Variants in NAALADL2 observed in about 807,000 individuals in gnomAD.
The protein encoded by NAALADL2 is N-acetylated alpha-linked acidic dipeptidase like 2.
Under a neutral mutation model 87.2 loss-of-function variants are expected in NAALADL2, and 76 were observed. The ratio of observed to expected loss-of-function variants is 0.87; its 90% CI spans 0.72 to 1.05. The LOEUF is 1.05. Ranked by LOEUF, NAALADL2 falls within the 50% of genes least tolerant of loss-of-function variation. NAALADL2 has a pLI of 0.00. For synonymous variants in NAALADL2, 354 were observed against 331.0 expected (o/e 1.07, Z -0.75); for missense variants, 1,089 against 945.8 (o/e 1.15, Z -1.99).
chr3:175,763,515 G>C (rs1748308446), intron 13 of NAALADL2, among the ~76,000 whole-genome samples: 1 of 152,078 alleles, frequency 6.6e-6, no homozygotes, highest in African/African-American at 2.4e-5. Context: ...TAAAATGAGA[G>C]AGCAATAATT....
intron 1 of NAALADL2, among the ~76,000 whole-genome samples, chr3:174,953,343 C>A (rs1184964814): frequency 1.1e-5 from 1 of 90,766 alleles, no homozygotes; most frequent in Non-Finnish European, 2.3e-5. Flanking sequence ...CCCCTCCCCT[C>A]CCCTCCTCTT....
intron 3 of NAALADL2, among the ~76,000 whole-genome samples, chr3:174,761,788 T>G: frequency 8.5e-6 from 1 of 117,022 alleles, no homozygotes; most frequent in Non-Finnish European, 1.6e-5. Flanking sequence ...GTCCCTGGAG[T>G]GTGATGTTCT....
intron 9 of NAALADL2, among the ~76,000 whole-genome samples, chr3:175,474,232 T>C (rs1385754304): frequency 6.6e-6 from 1 of 152,166 alleles, no homozygotes; most frequent in Non-Finnish European, 1.5e-5. Flanking sequence ...TAGCAATATG[T>C]AGATTACAAA....
intron 5 of NAALADL2, among the ~76,000 whole-genome samples, chr3:175,443,456 TA>T (rs1397164691): frequency 6.6e-6 from 1 of 152,192 alleles, no homozygotes; most frequent in African/African-American, 2.4e-5. Flanking sequence ...AACTTAATTT[TA>T]GGGCAAGGAT....
chr3:175,565,903 C>G (rs553862900), intron 9 of NAALADL2, among the ~76,000 whole-genome samples: 1 of 139,896 alleles, frequency 7.1e-6, no homozygotes, highest in East Asian at 2.3e-4. Context: ...GTTATTGGCT[C>G]ACCGCAACCT....
At chr3:174,589,349 C>T (rs1039956981) in intron 2 of NAALADL2, among the ~76,000 whole-genome samples, 57 of 152,228 alleles carry the variant, frequency 3.7e-4, no homozygotes, top group African/African-American at 1.4e-3. Flanking sequence ...CCCTGCCTTG[C>T]TTCAGCTCAC....
In NAALADL2 at chr3:174,522,640, AAAC is replaced by A. The variant is rs755757887; in HGVS notation, c.-183-27923_-183-27921del. On this transcript the variant is annotated intron_variant, in intron 1 of 3. Coordinates refer to the NAALADL2 transcript ENST00000434257. ...GGCGACAGACCAAGACCGTGTCTTA[AAAC>A]AACAAGAAAGGCCGGGTGCAGTGGC... is the stretch of plus-strand genomic sequence containing the variant. Among the ~76,000 whole-genome samples, 13 of 152,188 alleles carry A rather than the reference AAAC, an allele frequency of 8.5e-5. No individual in the cohort carries two copies. In the East Asian group the frequency reaches 1.6e-3, roughly 18 times the overall value.
chr3:175,363,611 A>G (rs910462307), intron 5 of NAALADL2, among the ~76,000 whole-genome samples: 3 of 147,934 alleles, frequency 2.0e-5, no homozygotes, highest in African/African-American at 7.4e-5. Flanking sequence ...ACGCATACAC[A>G]TAAACATGCA....
At position 175,718,731 on chromosome 3, in the gene NAALADL2, A is replaced by G; in HGVS notation, c.1897-18575A>G. ...ACTTGAGGCGTGGAGATCAAGACCA[A>G]CCTGGGCAACATAGCAAGACTCTGT... On this transcript the variant is annotated intron_variant, in intron 11 of 13. Coordinates refer to ENST00000454872, the MANE Select transcript of NAALADL2 (RefSeq NM_207015.3). 2.5e-6 allele frequency: 3 copies of G among 1,215,194 alleles called. No homozygotes were observed. In the South Asian group the frequency reaches 3.9e-5, roughly 16 times the overall value. 75.3% of individuals were successfully genotyped at this position (1,215,194 alleles called of 1,614,324 possible).
intron 4 of NAALADL2, among the ~76,000 whole-genome samples, chr3:175,259,548 C>A (rs1218096379): frequency 6.6e-6 from 1 of 152,150 alleles, no homozygotes; most frequent in Non-Finnish European, 1.5e-5. Context: ...TGGTACATTA[C>A]ATGAATTTTC....
At chr3:175,563,650 T>C (rs896811687) in intron 9 of NAALADL2, among the ~76,000 whole-genome samples, 3 of 152,092 alleles carry the variant, frequency 2.0e-5, no homozygotes, top group East Asian at 1.9e-4. Context: ...ATAGGGGCAA[T>C]AGAAAGAGAG....
In NAALADL2 at chr3:175,810,448, A is replaced by G. The variant is rs1319913257; in HGVS notation, c.*7245A>G. 6.6e-6 allele frequency: 1 copy of G among 152,076 alleles called. No individual in the cohort carries two copies. Among genetic ancestry groups the G allele is most frequent in the East Asian group, 1.9e-4 (1 of 5,186 alleles). 9.4% of individuals were successfully genotyped at this position (152,076 alleles called of 1,614,324 possible). ...CATAGTACTAGGAAATGAAGGCACC[A>G]TTTAACAAACGTGTTCTGAATCATA... On this transcript the variant is annotated 3_prime_UTR_variant, in exon 14 of 14. Transcript: ENST00000454872.
intron 1 of NAALADL2, among the ~76,000 whole-genome samples, chr3:174,477,097 CA>C (rs200114967): frequency 1.1e-4 from 16 of 148,294 alleles, no homozygotes; most frequent in African/African-American, 3.7e-4. Flanking sequence ...AACTCTGTCT[CA>C]AAAAAAAAGA....
chr3:175,668,172 A>G (rs749110717), intron 11 of NAALADL2, among the ~76,000 whole-genome samples: 1 of 152,136 alleles, frequency 6.6e-6, no homozygotes, highest in Non-Finnish European at 1.5e-5. Flanking sequence ...AATGGAGAAA[A>G]CTGATTACCT....
At chr3:175,411,436 A>T (rs1713490692) in intron 5 of NAALADL2, among the ~76,000 whole-genome samples, 1 of 151,910 alleles carries the variant, frequency 6.6e-6, no homozygotes, top group African/African-American at 2.4e-5. Flanking sequence ...ATTTGAGTCA[A>T]CTCTATTGAT....
chr3:175,494,959 T>G (rs1256635524), intron 9 of NAALADL2, among the ~76,000 whole-genome samples: 1 of 151,728 alleles, frequency 6.6e-6, no homozygotes, highest in Non-Finnish European at 1.5e-5. Context: ...TCCTGAAATA[T>G]TCTATTGTCC....
chr3:175,067,519 A>G (rs1042109218), intron 1 of NAALADL2, among the ~76,000 whole-genome samples: 2 of 152,198 alleles, frequency 1.3e-5, no homozygotes, highest in African/African-American at 4.8e-5. Flanking sequence ...TATCAGAGAA[A>G]TGTAAAATAA....
intron 2 of NAALADL2, among the ~76,000 whole-genome samples, chr3:174,615,628 C>T (rs1225476947): frequency 6.6e-6 from 1 of 152,012 alleles, no homozygotes; most frequent in Non-Finnish European, 1.5e-5. Context: ...ATTATTTTAG[C>T]AAAGTTTATG....
rs140092362 is a variant in NAALADL2, at chr3:175,589,955, A to G, written c.1800+13768A>G. On this transcript the variant is annotated intron_variant, in intron 10 of 13. Transcript: ENST00000454872. ...TGGCCGGGTGTGGTGGTTCACGCCT[A>G]TAATCCCAACACTTTGGGAGGCCGA... Among the ~76,000 whole-genome samples, 1,266 of 152,154 alleles carry G rather than the reference A, an allele frequency of 8.3e-3. 17 individuals are homozygous for G. Among genetic ancestry groups the G allele is most frequent in the African/African-American group, 0.029 (1,194 of 41,516 alleles).
Sources: allele counts gnomAD v4.1 joint callset (sites outside exome capture counted in the v4.1 genomes callset), GRCh38; gene constraint gnomAD v4.1.1; transcripts MANE v1.5; gene names NCBI Gene and HGNC (gene_info 2026-07-23, HGNC 2026-07-21).